The following SEMA5A variants were observed in gnomAD, a reference collection of about 807,000 sequenced individuals.
SEMA5A encodes semaphorin 5A.
Under a neutral mutation model 135.5 loss-of-function variants are expected in SEMA5A, and 55 were observed. That is an observed-to-expected ratio of 0.41 (90% CI 0.33 to 0.51). The LOEUF (loss-of-function observed/expected upper bound fraction) is 0.51. Ranked by LOEUF, SEMA5A falls within the 20% of genes least tolerant of loss-of-function variation. SEMA5A has a pLI of 0.37. For synonymous variants in SEMA5A, 580 were observed against 546.5 expected (o/e 1.06, Z -0.85); for missense variants, 1,290 against 1,419.9 (o/e 0.91, Z 1.47).
intron 21 of SEMA5A, among the ~76,000 whole-genome samples, chr5:9,048,312 C>G (rs1471711294): frequency 6.6e-6 from 1 of 152,172 alleles, no homozygotes; most frequent in African/African-American, 2.4e-5. Context: ...TGCACTTGGG[C>G]CAGTGACATC....
chr5:9,079,537 C>G (rs1223170528), intron 16 of SEMA5A, among the ~76,000 whole-genome samples: 1 of 151,694 alleles, frequency 6.6e-6, no homozygotes, highest in Non-Finnish European at 1.5e-5. Flanking sequence ...CAAAAGCAAG[C>G]AGATGACAAG....
chr5:9,431,127 C>T (rs528336197), intron 2 of SEMA5A, among the ~76,000 whole-genome samples: 20 of 152,142 alleles, frequency 1.3e-4, no homozygotes, highest in African/African-American at 4.8e-4. Flanking sequence ...TGTGATTGGC[C>T]CACTTGGGTA....
chr5:9,267,582 T>C (rs1308123374), intron 5 of SEMA5A, among the ~76,000 whole-genome samples: 2 of 152,162 alleles, frequency 1.3e-5, no homozygotes, highest in Non-Finnish European at 2.9e-5. Context: ...TAGACCAGTG[T>C]TTCTGAAAGA....
intron 5 of SEMA5A, among the ~76,000 whole-genome samples, chr5:9,318,091 A>C (rs1752468743): frequency 6.6e-6 from 1 of 152,210 alleles, no homozygotes. Context: ...GCTTTGAAGC[A>C]ATGTTCCTTG....
At chr5:9,327,075 A>G (rs1174339524) in intron 4 of SEMA5A, among the ~76,000 whole-genome samples, 1 of 152,006 alleles carries the variant, frequency 6.6e-6, no homozygotes, top group African/African-American at 2.4e-5. Context: ...TATTTTTTTC[A>G]TGGGTTTCTC....
chr5:9,422,753 T>A (rs1343121504), intron 2 of SEMA5A, among the ~76,000 whole-genome samples: 1 of 152,224 alleles, frequency 6.6e-6, no homozygotes, highest in Non-Finnish European at 1.5e-5. Flanking sequence ...TTTTTGTTGC[T>A]GTTATCTTGT....
intron 5 of SEMA5A, among the ~76,000 whole-genome samples, chr5:9,245,585 T>C (rs1430438777): frequency 6.6e-6 from 1 of 152,092 alleles, no homozygotes; most frequent in Non-Finnish European, 1.5e-5. Flanking sequence ...TCTCAGTAAA[T>C]TGGCAGTACA....
intron 12 of SEMA5A, among the ~76,000 whole-genome samples, chr5:9,153,363 G>A (rs1474597375): frequency 6.6e-6 from 1 of 152,206 alleles, no homozygotes; most frequent in East Asian, 1.9e-4. Context: ...TGCTGGTCAG[G>A]TGTGTGATGT....
chr5:9,272,862 T>G lies in SEMA5A; in HGVS notation c.271-34972A>C, dbSNP rs151259886. Among the ~76,000 whole-genome samples the G allele has an allele frequency of 8.7e-4, 132 of 152,206 alleles. 2 individuals carry two copies. In the East Asian group the frequency reaches 0.023, roughly 27 times the overall value. On this transcript the variant is annotated intron_variant, in intron 5 of 22. Transcript: ENST00000382496. ...CTCAGAGACACCAGCCAAAGGTCAC[T>G]GACTTCAAAGACCAAAGGTAGATAA... is the stretch of plus-strand genomic sequence containing the variant.
chr5:9,142,355 A>G (rs1419528579), intron 12 of SEMA5A, among the ~76,000 whole-genome samples: 3 of 152,272 alleles, frequency 2.0e-5, no homozygotes, highest in East Asian at 1.9e-4. Flanking sequence ...GAACTTGGAG[A>G]GTTTGAAGAA....
chr5:9,287,152 G>C (rs1750836486), intron 5 of SEMA5A, among the ~76,000 whole-genome samples: 1 of 152,146 alleles, frequency 6.6e-6, no homozygotes, highest in African/African-American at 2.4e-5. Context: ...GTGTGCACTT[G>C]AGCACAAGTA....
chr5:9,317,428 T>C (rs1215195511), intron 5 of SEMA5A, among the ~76,000 whole-genome samples: 3 of 152,150 alleles, frequency 2.0e-5, no homozygotes, highest in African/African-American at 4.8e-5. Flanking sequence ...AGATCACAAA[T>C]CAGGTTGATG....
At chr5:9,129,732 C>T (rs953669203) in intron 13 of SEMA5A, among the ~76,000 whole-genome samples, 11 of 152,076 alleles carry the variant, frequency 7.2e-5, no homozygotes, top group African/African-American at 2.4e-4. Flanking sequence ...AACATTAGAC[C>T]TTAGTGAGAC....
intron 12 of SEMA5A, among the ~76,000 whole-genome samples, chr5:9,142,995 C>T (rs1742148647): frequency 1.3e-5 from 2 of 152,120 alleles, no homozygotes; most frequent in African/African-American, 4.8e-5. Context: ...AAAAATAAGA[C>T]TGAAGAAAAT....
rs573779436 is a variant in SEMA5A, at chr5:9,178,600, A to G, written c.1273+11667T>C. ...CTGCCTCGGCCTCCTAAGTGCTGGG[A>G]TTACAGGCATGAGCCACCGCGCCCA... is the stretch of plus-strand genomic sequence containing the variant. On this transcript the variant is annotated intron_variant, in intron 11 of 22. Transcript: ENST00000382496. 7.9e-5 allele frequency among the ~76,000 whole-genome samples: 12 copies of G among 152,202 alleles called. No individual in the cohort carries two copies. The South Asian group carries it at 1.5e-3, about 18-fold the overall frequency.
intron 6 of SEMA5A, among the ~76,000 whole-genome samples, chr5:9,236,177 G>A (rs1420734778): frequency 6.6e-6 from 1 of 152,130 alleles, no homozygotes; most frequent in African/African-American, 2.4e-5. Context: ...GTTTGGTGGG[G>A]ACACAGCCAA....
intron 16 of SEMA5A, among the ~76,000 whole-genome samples, chr5:9,085,264 C>A (rs1339034588): frequency 6.6e-6 from 1 of 152,168 alleles, no homozygotes; most frequent in African/African-American, 2.4e-5. Flanking sequence ...GCATAAGTAA[C>A]AAGGAGCCAA....
intron 3 of SEMA5A, among the ~76,000 whole-genome samples, chr5:9,366,268 G>T (rs935461841): frequency 6.6e-6 from 1 of 151,962 alleles, no homozygotes; most frequent in African/African-American, 2.4e-5. Context: ...GCAAATTGGA[G>T]GTCAAACCAT....
At chr5:9,305,729 T>TATATATATATATATAG in intron 5 of SEMA5A, among the ~76,000 whole-genome samples, 1 of 90,386 alleles carries the variant, frequency 1.1e-5, no homozygotes, top group South Asian at 3.0e-4. Context: ...TATATATATT[T>TATATATATATATATAG]ACACGCACAC....
Sources: allele counts gnomAD v4.1 joint callset (sites outside exome capture counted in the v4.1 genomes callset), GRCh38; gene constraint gnomAD v4.1.1; transcripts MANE v1.5; gene names NCBI Gene and HGNC (gene_info 2026-07-23, HGNC 2026-07-21).